ZSWIM5: variants seen among roughly 807,000 people sequenced by gnomAD.
The protein encoded by ZSWIM5 is zinc finger SWIM domain-containing protein 5.
A neutral mutation model predicts 119.6 loss-of-function variants in ZSWIM5; 55 were observed. That is an observed-to-expected ratio of 0.46 (90% CI 0.37 to 0.58). The LOEUF is 0.58. ZSWIM5 is among the 20% of genes least tolerant of loss of function. ZSWIM5 has a pLI of 0.00. For missense variants in ZSWIM5, 1,193 were observed against 1,512.8 expected, an observed-to-expected ratio of 0.79 and a Z score of 3.51; for synonymous variants, 537 against 606.9, an observed-to-expected ratio of 0.88 and a Z score of 1.69.
In ZSWIM5 at chr1:45,051,192, C is replaced by A; in HGVS notation, c.1314G>T (p.Trp438Cys). 1 of 1,614,210 alleles carries A rather than the reference C, an allele frequency of 6.2e-7. No individual in the cohort carries two copies. The change falls in exon 5 of 14, where the codon TGG (tryptophan) becomes TGT (cysteine). Residue 438 changes from tryptophan to cysteine, a missense_variant. Trp to Cys is a radical substitution (Grantham distance 215, BLOSUM62 -2). Coordinates refer to ENST00000359600, the MANE Select transcript of ZSWIM5 (RefSeq NM_020883.2). ...PHCKLEEKSC[W>C]LQQLQKWSDL... ...CGCTCCACTTCTGCAGCTGCTGCAG[C>A]CAGCAGGATTTCTCCTCCAGTTTGC...
intron 1 of ZSWIM5, among the ~76,000 whole-genome samples, chr1:45,162,494 T>C (rs1255744177): frequency 1.3e-5 from 2 of 152,140 alleles, no homozygotes; most frequent in African/African-American, 4.8e-5. Context: ...GTGCAGCCCA[T>C]GGACCATAAG....
chr1:45,051,158 C>A lies in ZSWIM5; in HGVS notation c.1348G>T (p.Val450Phe). The change falls in exon 5 of 14, where the codon GTC becomes TTC. Residue 450 changes from valine (V) to phenylalanine (F), a missense_variant. Coordinates refer to ENST00000359600, the MANE Select transcript of ZSWIM5 (RefSeq NM_020883.2). ...QQLQKWSDLD[V>F]CPLEDGNYGH... Reference sequence around the variant, plus strand: ...TAGTTTCCATCCTCCAGGGGACAGACATCCAGGTCGCTCCACTTCTGCAGC... The same window carrying A: ...TAGTTTCCATCCTCCAGGGGACAGAAATCCAGGTCGCTCCACTTCTGCAGC... 6.2e-7 allele frequency: 1 copy of A among 1,614,216 alleles called. No individual in the cohort carries two copies.
intron 2 of ZSWIM5, among the ~76,000 whole-genome samples, chr1:45,067,811 C>T (rs767397449): frequency 2.1e-4 from 32 of 152,214 alleles, no homozygotes; most frequent in Admixed American, 5.9e-4. Flanking sequence ...ATATTTTAGT[C>T]TTTTCACAGA....
intron 11 of ZSWIM5, among the ~76,000 whole-genome samples, chr1:45,031,169 A>ATTTTTTT (rs34390567): frequency 4.4e-4 from 27 of 61,742 alleles, no homozygotes; most frequent in South Asian, 7.0e-4. Flanking sequence ...TTTTGCTCTG[A>ATTTTTTT]TTTTTTTTTT....
At chr1:45,061,738 GTTT>G (rs113825465) in intron 2 of ZSWIM5, among the ~76,000 whole-genome samples, 9 of 142,552 alleles carry the variant, frequency 6.3e-5, no homozygotes, top group Admixed American at 1.4e-4. Context: ...CACCTCACCA[GTTT>G]TTTTTTTTTT....
intron 1 of ZSWIM5, among the ~76,000 whole-genome samples, chr1:45,180,937 T>G (rs1307158172): frequency 6.6e-6 from 1 of 151,836 alleles, no homozygotes; most frequent in Admixed American, 6.6e-5. Flanking sequence ...CATCTGTACA[T>G]CACCATCATC....
rs112260328 is a variant in ZSWIM5, at chr1:45,024,694, G to A, written c.2450-3906C>T. ...TTTTGAGACCAAGTCTCACTCTGTC[G>A]CCCAGGCTGGAGTGCAATGGTGCGA... On this transcript the variant is annotated intron_variant, in intron 11 of 13. Transcript: ENST00000359600. Among the ~76,000 whole-genome samples the A allele has an allele frequency of 8.3e-3, 1,262 of 151,662 alleles. 21 individuals are homozygous for A. The highest frequency in any genetic ancestry group is 0.029 in the African/African-American group (1,200 of 41,272).
chr1:45,203,758 T>C (rs1208378935), intron 1 of ZSWIM5, among the ~76,000 whole-genome samples: 2 of 152,070 alleles, frequency 1.3e-5, no homozygotes, highest in African/African-American at 4.8e-5. Flanking sequence ...CTCAAAAAGA[T>C]GCAGAACAGG....
At chr1:45,192,214 TCCTA>T (rs1222746608) in intron 1 of ZSWIM5, among the ~76,000 whole-genome samples, 4 of 152,196 alleles carry the variant, frequency 2.6e-5, no homozygotes, top group Admixed American at 6.5e-5. Context: ...CAACCATCAC[TCCTA>T]CCTATCTCCA....
At chr1:45,145,104 C>A (rs1645752300) in intron 1 of ZSWIM5, among the ~76,000 whole-genome samples, 1 of 151,982 alleles carries the variant, frequency 6.6e-6, no homozygotes, top group Admixed American at 6.6e-5. Context: ...AAATTAAAAT[C>A]ATTATGAAAT....
chr1:45,092,672 G>T (rs548371383), intron 1 of ZSWIM5, among the ~76,000 whole-genome samples: 3 of 151,696 alleles, frequency 2.0e-5, no homozygotes, highest in Non-Finnish European at 4.4e-5. Context: ...CACTAATCTA[G>T]GTGTTGCTGT....
At chr1:45,129,781 A>T (rs985069595) in intron 1 of ZSWIM5, among the ~76,000 whole-genome samples, 3 of 152,236 alleles carry the variant, frequency 2.0e-5, no homozygotes, top group Admixed American at 6.5e-5. Flanking sequence ...AAATGAACTC[A>T]AAATGAACCA....
At chr1:45,108,942 T>A (rs1269204672) in intron 1 of ZSWIM5, among the ~76,000 whole-genome samples, 1 of 152,208 alleles carries the variant, frequency 6.6e-6, no homozygotes, top group East Asian at 1.9e-4. Flanking sequence ...CTTTTTAATA[T>A]GGAGATGAAT....
At chr1:45,136,322 TATATAAA>T (rs1645689010) in intron 1 of ZSWIM5, among the ~76,000 whole-genome samples, 1 of 152,144 alleles carries the variant, frequency 6.6e-6, no homozygotes, top group African/African-American at 2.4e-5. Flanking sequence ...AAATTCATAA[TATATAAA>T]ATATAATTTA....
intron 6 of ZSWIM5, among the ~76,000 whole-genome samples, chr1:45,041,453 G>T (rs1645017602): frequency 6.6e-6 from 1 of 151,092 alleles, no homozygotes; most frequent in Admixed American, 6.6e-5. Context: ...CGGAAAATTT[G>T]AAAATACATA....
At chr1:45,161,552 T>C (rs1447798461) in intron 1 of ZSWIM5, among the ~76,000 whole-genome samples, 2 of 152,200 alleles carry the variant, frequency 1.3e-5, no homozygotes, top group Non-Finnish European at 2.9e-5. Context: ...ATTCAAAGTA[T>C]ACTATGGTCT....
At position 45,036,148 on chromosome 1, in the gene ZSWIM5, C is replaced by T; in HGVS notation, c.2046G>A (p.Gln682=). 1 of 1,614,134 alleles carries T rather than the reference C, an allele frequency of 6.2e-7. No homozygotes were observed. Among genetic ancestry groups the T allele is most frequent in the Non-Finnish European group, 8.5e-7 (1 of 1,180,026 alleles). The part of the protein sequence containing the change: ...QRLMPEGLYA[Q]DKVCRNEEQL... ...GCTCCTCATTACGGCATACCTTGTC[C>T]TGTGCGTAGAGGCCTTCAGGCATTA... The change falls in exon 9 of 14, where the codon CAG becomes CAA. Residue 682 remains glutamine, a synonymous_variant. Coordinates refer to ENST00000359600, the MANE Select transcript of ZSWIM5 (RefSeq NM_020883.2).
chr1:45,033,989 G>A (rs933105347), intron 11 of ZSWIM5, among the ~76,000 whole-genome samples: 2 of 152,004 alleles, frequency 1.3e-5, no homozygotes, highest in African/African-American at 4.8e-5. Context: ...CGAGTAGCTG[G>A]GACTACAGGC....
At chr1:45,120,901 G>A (rs574230824) in intron 1 of ZSWIM5, among the ~76,000 whole-genome samples, 117 of 151,612 alleles carry the variant, frequency 7.7e-4, no homozygotes, top group African/African-American at 2.7e-3. Context: ...TAGATGTTTC[G>A]CTCCTAGTTA....
Sources: allele counts gnomAD v4.1 joint callset (sites outside exome capture counted in the v4.1 genomes callset), GRCh38; gene constraint gnomAD v4.1.1; transcripts MANE v1.5; gene names NCBI Gene and HGNC (gene_info 2026-07-23, HGNC 2026-07-21).